The following SLC24A4 variants were observed in gnomAD, a reference collection of about 807,000 sequenced individuals.
The protein encoded by SLC24A4 is solute carrier family 24 member 4, also known as sodium/potassium/calcium exchanger 4.
SLC24A4 carries 53 observed loss-of-function variants against 79.0 expected under a neutral mutation model. That is an observed-to-expected ratio of 0.67 (90% CI 0.54 to 0.84). The LOEUF (loss-of-function observed/expected upper bound fraction) is 0.84, where lower values mean the gene tolerates loss of function less well. Ranked by LOEUF, SLC24A4 falls within the 40% of genes least tolerant of loss-of-function variation. The probability of loss-of-function intolerance (pLI) is 0.00; values close to 1 mark genes in which losing one functional copy is unlikely to be tolerated. For synonymous variants in SLC24A4, 323 were observed against 323.8 expected, an observed-to-expected ratio of 1.00 and a Z score of 0.03; for missense variants, 731 against 822.0, an observed-to-expected ratio of 0.89 and a Z score of 1.35.
intron 12 of SLC24A4, among the ~76,000 whole-genome samples, chr14:92,469,219 T>C (rs1448434801): frequency 6.6e-6 from 1 of 151,910 alleles, no homozygotes; most frequent in Non-Finnish European, 1.5e-5. Context: ...ATGTAAATAG[T>C]AAACATAGGC....
At chr14:92,492,617 A>G (rs1895745318) in intron 16 of SLC24A4, among the ~76,000 whole-genome samples, 1 of 152,066 alleles carries the variant, frequency 6.6e-6, no homozygotes, top group Admixed American at 6.5e-5. Context: ...CCTACCCTAC[A>G]TGTCCAGGTC....
chr14:92,367,076 G>A (rs1420706337), intron 2 of SLC24A4, among the ~76,000 whole-genome samples: 2 of 152,196 alleles, frequency 1.3e-5, no homozygotes, highest in African/African-American at 4.8e-5. Context: ...GTACCATCCA[G>A]CAATTCTTGG....
intron 3 of SLC24A4, among the ~76,000 whole-genome samples, chr14:92,438,846 T>G (rs1448467647): frequency 6.6e-6 from 1 of 152,048 alleles, no homozygotes; most frequent in Non-Finnish European, 1.5e-5. Flanking sequence ...CTCCAGCCCC[T>G]CTCTCCTCCC....
Position 92,462,354 on chromosome 14 carries a change from A to G in SLC24A4, c.1255+5746A>G, listed in dbSNP as rs1415149359. 7 of 152,200 alleles carry G rather than the reference A, an allele frequency of 4.6e-5. 1 individual carries two copies. The highest frequency in any genetic ancestry group is 2.0e-4 in the Admixed American group (3 of 15,280). 9.4% of individuals were successfully genotyped at this position (152,200 alleles called of 1,614,324 possible). ...ACAGTAACAGGAGGTAAAACGCACT[A>G]AGTACTTACTCTGGGCCAGACAGGG... is the stretch of plus-strand genomic sequence containing the variant. On this transcript the variant is annotated intron_variant, in intron 12 of 16. Coordinates refer to ENST00000532405, the MANE Select transcript of SLC24A4 (RefSeq NM_153646.4).
intron 2 of SLC24A4, among the ~76,000 whole-genome samples, chr14:92,348,587 C>T (rs1287231271): frequency 6.6e-6 from 1 of 152,216 alleles, no homozygotes; most frequent in East Asian, 1.9e-4. Context: ...TCCACACTGC[C>T]CACCATCAGA....
At chr14:92,331,839 G>A (rs772259939) in intron 2 of SLC24A4, among the ~76,000 whole-genome samples, 1 of 152,116 alleles carries the variant, frequency 6.6e-6, no homozygotes, top group Admixed American at 6.5e-5. Flanking sequence ...AAGATCATGA[G>A]GATGAAGACC....
At chr14:92,358,839 C>G (rs1008899570) in intron 2 of SLC24A4, among the ~76,000 whole-genome samples, 2 of 151,894 alleles carry the variant, frequency 1.3e-5, no homozygotes, top group African/African-American at 4.8e-5. Flanking sequence ...TGCTCACCAC[C>G]ACGTCATTTA....
At chr14:92,424,887 A>AACAAAAACAAAG (rs1210269659) in intron 2 of SLC24A4, among the ~76,000 whole-genome samples, 1 of 151,866 alleles carries the variant, frequency 6.6e-6, no homozygotes, top group Non-Finnish European at 1.5e-5. Context: ...GTCTCAAAAA[A>AACAAAAACAAAG]ACAAAAACAA....
chr14:92,469,520 G>A (rs1894318749), intron 12 of SLC24A4, among the ~76,000 whole-genome samples: 1 of 151,568 alleles, frequency 6.6e-6, no homozygotes, highest in Non-Finnish European at 1.5e-5. Context: ...AAAAAAAAAG[G>A]TTAAACATAG....
At chr14:92,332,702 T>A (rs1163234810) in intron 2 of SLC24A4, among the ~76,000 whole-genome samples, 4 of 152,232 alleles carry the variant, frequency 2.6e-5, no homozygotes, top group Non-Finnish European at 5.9e-5. Flanking sequence ...TAAATACCCA[T>A]CAGCACTTAA....
rs543642330 is a variant in SLC24A4 at position 92,494,436 on chromosome 14, G to A, written c.*808G>A. On this transcript the variant is annotated 3_prime_UTR_variant, in exon 17 of 17. Transcript: ENST00000532405. This position sits in a 1 kb window ranked among gnomAD's most constrained non-coding sequence, Gnocchi z 4.6. ...AATCCTCTGTATGCCATCTTGCATT[G>A]GCACTGAGGTGTTTGGTTTGGAATA... 1 of 152,476 alleles carries A rather than the reference G, an allele frequency of 6.6e-6. No individual in the cohort carries two copies. Among genetic ancestry groups the A allele is most frequent in the South Asian group, 2.1e-4 (1 of 4,830 alleles). 9.4% of individuals were successfully genotyped at this position (152,476 alleles called of 1,614,324 possible).
chr14:92,384,950 C>T (rs1033689346), intron 2 of SLC24A4, among the ~76,000 whole-genome samples: 2 of 152,220 alleles, frequency 1.3e-5, no homozygotes, highest in Non-Finnish European at 2.9e-5. Context: ...GACTTAACCT[C>T]TCTGAGCCCC....
At chr14:92,458,508 G>T (rs559382677) in intron 12 of SLC24A4, among the ~76,000 whole-genome samples, 1 of 152,218 alleles carries the variant, frequency 6.6e-6, no homozygotes, top group African/African-American at 2.4e-5. Context: ...CACCAGGGCT[G>T]TGTGTGGGAC....
intron 2 of SLC24A4, among the ~76,000 whole-genome samples, chr14:92,399,520 A>T (rs1426770948): frequency 6.6e-6 from 1 of 152,210 alleles, no homozygotes; most frequent in African/African-American, 2.4e-5. Flanking sequence ...AGAAATCCGT[A>T]TTTCCTGGTG....
chr14:92,484,308 C>T, intron 13 of SLC24A4: 1 of 985,424 alleles, frequency 1.0e-6, no homozygotes, highest in African/African-American at 1.7e-5. Context: ...CAGAGACCTG[C>T]CGCAACCTCT....
chr14:92,330,096 G>A lies in SLC24A4; in HGVS notation c.241+4118G>A, dbSNP rs183879953. ...CAGAGGTGGTGCTCGCTGGGCTGGAGACCTAGTGCTCAGCCTGGGAGCATC... is the reference window on the plus strand; with the variant it reads ...CAGAGGTGGTGCTCGCTGGGCTGGAAACCTAGTGCTCAGCCTGGGAGCATC... On this transcript the variant is annotated intron_variant, in intron 2 of 16. Transcript: ENST00000532405. 8.8e-4 allele frequency among the ~76,000 whole-genome samples: 134 copies of A among 152,268 alleles called. 1 individual carries two copies. In the East Asian group the frequency reaches 0.02, roughly 23 times the overall value.
chr14:92,448,367 CACACACACACACAA>C (rs1892926047), intron 9 of SLC24A4, among the ~76,000 whole-genome samples: 1 of 151,694 alleles, frequency 6.6e-6, no homozygotes, highest in African/African-American at 2.4e-5. Context: ...CACACACACA[CACACACACACACAA>C]ATCCCTACTC....
Position 92,431,455 on chromosome 14 carries a change from G to A in SLC24A4, c.242-2457G>A, listed in dbSNP as rs547369901. On this transcript the variant is annotated intron_variant, in intron 2 of 16. Coordinates refer to ENST00000532405, the MANE Select transcript of SLC24A4 (RefSeq NM_153646.4). ...GGGACATCTGCAGTTCCAAGTTGTTGCTGTCAGTGACAAGGGTGGGAGGCC... is the reference window on the plus strand; with the variant it reads ...GGGACATCTGCAGTTCCAAGTTGTTACTGTCAGTGACAAGGGTGGGAGGCC... Among the ~76,000 whole-genome samples the A allele has an allele frequency of 3.9e-5, 6 of 152,312 alleles. No homozygotes were observed. The South Asian group carries it at 1.0e-3, about 26-fold the overall frequency.
chr14:92,437,374 C>G (rs10133821), intron 3 of SLC24A4, among the ~76,000 whole-genome samples: 3,374 of 152,306 alleles, frequency 0.022, 111 homozygotes, highest in African/African-American at 0.07. Context: ...CTGGCTTCCT[C>G]ACCACTGTAT....
Sources: allele counts gnomAD v4.1 joint callset (sites outside exome capture counted in the v4.1 genomes callset), GRCh38; gene constraint gnomAD v4.1.1; non-coding constraint Gnocchi (gnomAD v3.1); transcripts MANE v1.5; gene names NCBI Gene and HGNC (gene_info 2026-07-23, HGNC 2026-07-21).